The following FER variants were observed in gnomAD, a reference collection of about 807,000 sequenced individuals.
The protein encoded by FER is FER tyrosine kinase.
A neutral mutation model predicts 111.0 loss-of-function variants in FER; 63 were observed. That is an observed-to-expected ratio of 0.57 (90% CI 0.46 to 0.70). The LOEUF (loss-of-function observed/expected upper bound fraction) is 0.70. Among genes scored for constraint, FER ranks in the 30% least tolerant of loss-of-function variants. The probability of loss-of-function intolerance (pLI) is 0.00; values close to 1 mark genes in which losing one functional copy is unlikely to be tolerated. For missense variants in FER, 914 were observed against 954.0 expected, an observed-to-expected ratio of 0.96 and a Z score of 0.55; for synonymous variants, 327 against 313.9, an observed-to-expected ratio of 1.04 and a Z score of -0.44.
At chr5:108,955,042 G>A (rs1020687989) in intron 12 of FER, 110 bp downstream of exon 12, 3 of 896,786 alleles carry the variant, frequency 3.3e-6, no homozygotes, top group East Asian at 2.8e-5. Context: ...TTGAAATTTA[G>A]CACTTAATTT....
At chr5:109,123,738 G>C (rs1387455615) in intron 17 of FER, among the ~76,000 whole-genome samples, 1 of 151,556 alleles carries the variant, frequency 6.6e-6, no homozygotes, top group South Asian at 2.1e-4. Context: ...TTATATTATC[G>C]ATCAGACTGA....
rs80287848 is a variant in FER at position 109,072,663 on chromosome 5, C to G, written c.1924+25465C>G. On this transcript the variant is annotated intron_variant, in intron 16 of 19. Coordinates refer to ENST00000281092, the MANE Select transcript of FER (RefSeq NM_005246.4). ...ATCGGACTCAAAGGAAATATAAGGT[C>G]TATAATGAAATCTGCTCGAAGATGA... Among the ~76,000 whole-genome samples the G allele has an allele frequency of 9.8e-3, 1,483 of 151,994 alleles. 19 individuals are homozygous for G. Among genetic ancestry groups the G allele is most frequent in the African/African-American group, 0.034 (1,414 of 41,486 alleles).
chr5:108,798,993 A>G (rs896567814), intron 3 of FER, among the ~76,000 whole-genome samples: 2 of 152,014 alleles, frequency 1.3e-5, no homozygotes, highest in Admixed American at 1.3e-4. Flanking sequence ...GAACCCTGCT[A>G]TTTTTCCCTT....
intron 5 of FER, among the ~76,000 whole-genome samples, chr5:108,864,572 A>G (rs567818086): frequency 1.2e-3 from 178 of 152,284 alleles, no homozygotes; most frequent in African/African-American, 4.2e-3. Context: ...AGCTTTCTAC[A>G]TATGGCTAGC....
chr5:108,787,538 C>T (rs765198685), intron 2 of FER, among the ~76,000 whole-genome samples: 2 of 152,206 alleles, frequency 1.3e-5, no homozygotes, highest in Non-Finnish European at 2.9e-5. Flanking sequence ...GTGAGAACTT[C>T]ATTGATGACT....
intron 16 of FER, among the ~76,000 whole-genome samples, chr5:109,079,852 C>G (rs1479640844): frequency 6.6e-6 from 1 of 152,108 alleles, no homozygotes; most frequent in East Asian, 1.9e-4. Context: ...CCCCACAGTT[C>G]TCTCCTAATC....
chr5:109,106,113 G>T (rs1456180869), intron 17 of FER, among the ~76,000 whole-genome samples: 1 of 152,118 alleles, frequency 6.6e-6, no homozygotes. Flanking sequence ...TACAACAGAG[G>T]TATCTTCTGA....
chr5:108,941,650 TATG>T (rs892157363), intron 10 of FER, among the ~76,000 whole-genome samples: 10 of 152,288 alleles, frequency 6.6e-5, no homozygotes, highest in African/African-American at 2.4e-4. Flanking sequence ...TTATAATAGT[TATG>T]ATTTTTCATA....
rs1554065853 is a variant in FER, at chr5:108,793,519, C to CA, written c.-59-4605_-59-4604insA. The stretch of plus-strand genomic sequence containing the variant: ...GATATCTATTTTTTTTTTGGCGGGG[C>CA]GGGGGGGGTGGTTATATACCCAGCA... On this transcript the variant is annotated intron_variant, in intron 2 of 19. Transcript: ENST00000281092. Among the ~76,000 whole-genome samples, 7 of 103,228 alleles carry CA rather than the reference C, an allele frequency of 6.8e-5. No homozygotes were observed. In the East Asian group the frequency reaches 1.3e-3, roughly 19 times the overall value. 67.7% of individuals were successfully genotyped at this position (103,228 alleles called of 152,430 possible). A position where few individuals can be genotyped will look rare whatever the true frequency, so the allele number is the denominator to read the frequency against.
At chr5:109,041,250 T>C (rs1771140553) in intron 14 of FER, among the ~76,000 whole-genome samples, 1 of 152,168 alleles carries the variant, frequency 6.6e-6, no homozygotes, top group Non-Finnish European at 1.5e-5. Flanking sequence ...ATCAGACTTG[T>C]AGATTTGCTA....
intron 13 of FER, among the ~76,000 whole-genome samples, chr5:108,992,782 C>T (rs575703498): frequency 0.013 from 1,937 of 150,000 alleles, 36 homozygotes; most frequent in African/African-American, 0.045. Context: ...ACTTCTCAGA[C>T]GGGGCGGTTG....
At chr5:108,748,724 G>A (rs1368630359) in intron 1 of FER, 1 of 152,280 alleles carries the variant, frequency 6.6e-6, no homozygotes, top group Non-Finnish European at 1.5e-5. Flanking sequence ...CCCAGCCTAG[G>A]GCCCAAGTCC....
chr5:108,821,107 G>A (rs1348680797), intron 3 of FER, among the ~76,000 whole-genome samples: 2 of 152,060 alleles, frequency 1.3e-5, no homozygotes, highest in Non-Finnish European at 2.9e-5. Context: ...GTGAGACTAC[G>A]TCTCAAAAAA....
At chr5:109,034,344 A>T (rs1270490068) in intron 13 of FER, among the ~76,000 whole-genome samples, 1 of 152,148 alleles carries the variant, frequency 6.6e-6, no homozygotes, top group Non-Finnish European at 1.5e-5. Flanking sequence ...ATTTGGTTCA[A>T]TCCATGATGG....
intron 5 of FER, among the ~76,000 whole-genome samples, chr5:108,840,686 A>T (rs1004367162): frequency 3.3e-5 from 5 of 152,170 alleles, no homozygotes; most frequent in Non-Finnish European, 7.4e-5. Flanking sequence ...GATTCAGGTC[A>T]AACATTTTTG....
intron 10 of FER, among the ~76,000 whole-genome samples, chr5:108,905,127 C>G (rs1367882049): frequency 6.6e-6 from 1 of 152,020 alleles, no homozygotes; most frequent in Admixed American, 6.6e-5. Flanking sequence ...CATTTCATAT[C>G]ACGTTAGCCA....
intron 16 of FER, among the ~76,000 whole-genome samples, chr5:109,098,900 A>G (rs1003058620): frequency 1.3e-5 from 2 of 151,720 alleles, no homozygotes; most frequent in African/African-American, 2.4e-5. Context: ...AGAAAAGGTT[A>G]GAAAAGAAGA....
rs906202242 is a variant in FER, at chr5:109,108,837, G to A, written c.2048+8318G>A. On this transcript the variant is annotated intron_variant, in intron 17 of 19. Coordinates refer to ENST00000281092, the MANE Select transcript of FER (RefSeq NM_005246.4). ...TATCTCCTACTTTCTGGCCTCCAAG[G>A]CAGGATTGGAGCAATCAACATACAG... is the stretch of plus-strand genomic sequence containing the variant. Among the ~76,000 whole-genome samples, 17 of 152,206 alleles carry A rather than the reference G, an allele frequency of 1.1e-4. No homozygotes were observed. In the East Asian group the frequency reaches 3.3e-3, roughly 29 times the overall value.
chr5:108,931,475 T>C (rs1448362249), intron 10 of FER, among the ~76,000 whole-genome samples: 1 of 152,214 alleles, frequency 6.6e-6, no homozygotes, highest in Admixed American at 6.5e-5. Flanking sequence ...TCTTAGTGTT[T>C]TATCTTTAAT....
Sources: gnomAD v4.1 joint callset for allele counts (sites outside exome capture counted in the v4.1 genomes callset) on GRCh38, gnomAD v4.1.1 for gene constraint, MANE v1.5 for transcripts, NCBI Gene and HGNC (gene_info 2026-07-23, HGNC 2026-07-21) for gene names.